Variants in MAD1L1 observed in about 807,000 individuals in gnomAD.
MAD1L1 encodes the protein mitotic arrest deficient 1 like 1, also known as mitotic spindle assembly checkpoint protein MAD1.
In MAD1L1, 95 loss-of-function variants were observed where a neutral mutation model predicts 96.9. The observed-to-expected ratio is 0.98, with a 90% CI of 0.83 to 1.16. The LOEUF (loss-of-function observed/expected upper bound fraction) is 1.16, where lower values mean the gene tolerates loss of function less well. Among genes scored for constraint, MAD1L1 ranks in the 50% most tolerant of loss-of-function variants. The probability of loss-of-function intolerance (pLI) is 0.00; values close to 1 mark genes in which losing one functional copy is unlikely to be tolerated. For missense variants in MAD1L1, 1,007 were observed against 954.4 expected, an observed-to-expected ratio of 1.06 and a Z score of -0.73; for synonymous variants, 473 against 396.6, an observed-to-expected ratio of 1.19 and a Z score of -2.29.
chr7:2,128,651 G>A lies in MAD1L1; in HGVS notation c.1073+20501C>T, dbSNP rs985878834. Among the ~76,000 whole-genome samples, 11 of 152,212 alleles carry A rather than the reference G, an allele frequency of 7.2e-5. 1 individual carries two copies. Among genetic ancestry groups the A allele is most frequent in the Admixed American group, 5.9e-4 (9 of 15,280 alleles). On this transcript the variant is annotated intron_variant, in intron 11 of 18. Transcript: ENST00000265854. ...AGAAAACACGATGTGTCTGCAAGAG[G>A]GCTGAAGGCTCAGCTGGGGCCTTGG...
At chr7:1,824,230 C>T (rs1218586821) in intron 18 of MAD1L1, among the ~76,000 whole-genome samples, 1 of 152,238 alleles carries the variant, frequency 6.6e-6, no homozygotes, top group African/African-American at 2.4e-5. Flanking sequence ...CTTACACCAC[C>T]TGCTTGTGCG....
chr7:2,128,117 G>A (rs968956901), intron 11 of MAD1L1, among the ~76,000 whole-genome samples: 3 of 152,172 alleles, frequency 2.0e-5, no homozygotes, highest in South Asian at 2.1e-4. Flanking sequence ...CCCTGTTGAG[G>A]AGCTGCTGAC....
chr7:2,232,093 A>G (rs912165305), intron 1 of MAD1L1, among the ~76,000 whole-genome samples: 3 of 152,226 alleles, frequency 2.0e-5, no homozygotes, highest in Admixed American at 1.3e-4. Flanking sequence ...AAACCGCAGT[A>G]AAGAACTTTG....
chr7:2,160,721 T>A (rs1173227851), intron 10 of MAD1L1, among the ~76,000 whole-genome samples: 2 of 151,930 alleles, frequency 1.3e-5, no homozygotes, highest in African/African-American at 4.8e-5. Flanking sequence ...GAATCTCCGC[T>A]CTCCTGCCTC....
At chr7:2,009,621 G>T (rs956092679) in intron 13 of MAD1L1, among the ~76,000 whole-genome samples, 8 of 152,204 alleles carry the variant, frequency 5.3e-5, no homozygotes, top group Non-Finnish European at 1.2e-4. Context: ...GAGGTCTGAG[G>T]ATGACTGTGA....
At chr7:1,858,215 T>C (rs986324506) in intron 18 of MAD1L1, among the ~76,000 whole-genome samples, 1 of 152,218 alleles carries the variant, frequency 6.6e-6, no homozygotes, top group Non-Finnish European at 1.5e-5. Flanking sequence ...GTTGGGAGTC[T>C]TGGAGCACAG....
chr7:1,956,332 T>C (rs975525093), intron 16 of MAD1L1, among the ~76,000 whole-genome samples: 16 of 152,146 alleles, frequency 1.1e-4, no homozygotes, highest in Admixed American at 3.3e-4. Context: ...CGAACCCCAG[T>C]GGCCTCCCCG....
intron 10 of MAD1L1, among the ~76,000 whole-genome samples, chr7:2,212,413 C>G (rs1378007109): frequency 6.6e-6 from 1 of 152,170 alleles, no homozygotes; most frequent in African/African-American, 2.4e-5. Flanking sequence ...CCCCATGCCT[C>G]ATGTTGAATT....
At chr7:2,070,845 C>T (rs1785090397) in intron 11 of MAD1L1, among the ~76,000 whole-genome samples, 1 of 152,230 alleles carries the variant, frequency 6.6e-6, no homozygotes, top group Admixed American at 6.5e-5. Context: ...CCATTGATTG[C>T]TTCTGCTCGG....
At chr7:1,848,658 C>G (rs4719320) in intron 18 of MAD1L1, 98,301 of 154,390 alleles carry the variant, frequency 0.64, 31,559 homozygotes, top group South Asian at 0.79. Context: ...GAGAGCCCAG[C>G]GCTGAATCCT....
chr7:1,876,604 C>T (rs1437625760), intron 18 of MAD1L1, among the ~76,000 whole-genome samples: 2 of 151,982 alleles, frequency 1.3e-5, no homozygotes, highest in Admixed American at 6.6e-5. Context: ...CTTCTCGATG[C>T]TGTTTTCCAT....
chr7:1,959,239 G>A (rs941904804), intron 15 of MAD1L1, among the ~76,000 whole-genome samples: 1 of 152,130 alleles, frequency 6.6e-6, no homozygotes, highest in Admixed American at 6.5e-5. Flanking sequence ...ACAGAGCGAG[G>A]CCCTGTCTCA....
intron 10 of MAD1L1, among the ~76,000 whole-genome samples, chr7:2,168,177 C>A (rs1444355056): frequency 1.3e-5 from 2 of 151,854 alleles, no homozygotes; most frequent in African/African-American, 4.8e-5. Context: ...CCCAGCTACT[C>A]GGGAGGCTGA....
Position 2,076,242 on chromosome 7 carries a change from C to T in MAD1L1, c.1074-6904G>A, listed in dbSNP as rs367797858. Reference sequence around the variant, plus strand: ...GAATGCCTGTGTCGTCCCAAGTTCACCTGTGAAAACCCAGATCCCCAATGT... The same window carrying T: ...GAATGCCTGTGTCGTCCCAAGTTCATCTGTGAAAACCCAGATCCCCAATGT... On this transcript the variant is annotated intron_variant, in intron 11 of 18. Transcript: ENST00000265854. Among the ~76,000 whole-genome samples the T allele has an allele frequency of 3.0e-4, 45 of 152,354 alleles. No homozygotes were observed. The East Asian group carries it at 7.5e-3, about 26-fold the overall frequency.
At chr7:1,927,651 T>C (rs1221001335) in intron 17 of MAD1L1, among the ~76,000 whole-genome samples, 2 of 152,116 alleles carry the variant, frequency 1.3e-5, no homozygotes, top group African/African-American at 2.4e-5. Flanking sequence ...AAAAGAAAAG[T>C]AGCTTGAACT....
chr7:1,891,461 G>A (rs1475322416), intron 18 of MAD1L1, among the ~76,000 whole-genome samples: 1 of 152,180 alleles, frequency 6.6e-6, no homozygotes, highest in East Asian at 1.9e-4. Flanking sequence ...GGGAGGCAGA[G>A]GTTGCAGTGA....
intron 8 of MAD1L1, 65 bp downstream of exon 8, chr7:2,216,092 T>C: frequency 6.2e-7 from 1 of 1,607,818 alleles, no homozygotes. Flanking sequence ...GTCTGCACAG[T>C]GGGCTCCATG....
rs749543245 is a variant in MAD1L1, at chr7:1,898,401, G to A, written c.1808-11C>T. 1.2e-6 allele frequency: 2 copies of A among 1,612,138 alleles called. No individual in the cohort carries two copies. Among genetic ancestry groups the A allele is most frequent in the East Asian group, 2.2e-5 (1 of 44,850 alleles). ...CCTGCTTCTTCAGCTCTGCGGGAGG[G>A]ACGGAAGGAGACAGTGAGTGCGGCA... On this transcript the variant is annotated splice_polypyrimidine_tract_variant and intron_variant, in intron 17 of 18. Coordinates refer to ENST00000265854, the MANE Select transcript of MAD1L1 (RefSeq NM_001013836.2).
intron 11 of MAD1L1, among the ~76,000 whole-genome samples, chr7:2,102,758 C>A (rs1786879645): frequency 6.6e-6 from 1 of 152,114 alleles, no homozygotes; most frequent in Non-Finnish European, 1.5e-5. Flanking sequence ...ATCAGTGACA[C>A]CACGGTCACC....
Sources: gnomAD v4.1 joint callset for allele counts (sites outside exome capture counted in the v4.1 genomes callset) on GRCh38, gnomAD v4.1.1 for gene constraint, MANE v1.5 for transcripts, NCBI Gene and HGNC (gene_info 2026-07-23, HGNC 2026-07-21) for gene names.